ASPH: variants seen among roughly 807,000 people sequenced by gnomAD.
ASPH encodes aspartate beta-hydroxylase, also known as aspartyl/asparaginyl beta-hydroxylase.
ASPH carries 100 observed loss-of-function variants against 118.4 expected under a neutral mutation model. That is an observed-to-expected ratio of 0.84 (90% CI 0.72 to 1.00). ASPH has a LOEUF of 1.00. ASPH is among the 50% of genes least tolerant of loss of function. ASPH has a pLI of 0.00. For missense variants in ASPH, 920 were observed against 919.5 expected (o/e 1.00, Z -0.01); for synonymous variants, 315 against 325.6 (o/e 0.97, Z 0.35).
At chr8:61,684,662 A>C (rs540622761) in intron 1 of ASPH, 87 of 153,612 alleles carry the variant, frequency 5.7e-4, no homozygotes, top group Non-Finnish European at 9.9e-4. Flanking sequence ...AGGACAGAAA[A>C]GTGAAACAGC....
chr8:61,684,941 AAAGG>A (rs1254574983), intron 1 of ASPH, among the ~76,000 whole-genome samples: 1 of 152,202 alleles, frequency 6.6e-6, no homozygotes, highest in Admixed American at 6.5e-5. Flanking sequence ...TTTCCCATAA[AAAGG>A]AATATAATAC....
chr8:61,676,253 T>A (rs1280118064), intron 3 of ASPH: 2 of 1,592,922 alleles, frequency 1.3e-6, no homozygotes, highest in African/African-American at 2.7e-5. Context: ...TGAACTTTCC[T>A]CTGCTAAAAT....
chr8:61,577,637 G>A (rs562601955), intron 15 of ASPH, among the ~76,000 whole-genome samples: 29 of 152,278 alleles, frequency 1.9e-4, no homozygotes, highest in Non-Finnish European at 3.8e-4. Flanking sequence ...GGAAACTTGC[G>A]ATTGTGGCAG....
intron 15 of ASPH, among the ~76,000 whole-genome samples, chr8:61,578,040 T>C (rs191608564): frequency 3.9e-5 from 6 of 152,316 alleles, no homozygotes; most frequent in African/African-American, 1.2e-4. Context: ...GCAAGTCCCA[T>C]CCACTTAGAA....
intron 3 of ASPH, among the ~76,000 whole-genome samples, chr8:61,666,077 G>A (rs1463216836): frequency 6.6e-6 from 1 of 151,988 alleles, no homozygotes; most frequent in African/African-American, 2.4e-5. Flanking sequence ...ACAAATATAT[G>A]TAAATAAAAT....
At chr8:61,537,799 G>A (rs1052620166) in intron 21 of ASPH, among the ~76,000 whole-genome samples, 1 of 152,216 alleles carries the variant, frequency 6.6e-6, no homozygotes, top group South Asian at 2.1e-4. Context: ...TTCCCAAAGA[G>A]GGTCAGAGAG....
intron 13 of ASPH, among the ~76,000 whole-genome samples, chr8:61,626,653 A>C (rs1344025083): frequency 1.3e-5 from 2 of 151,934 alleles, no homozygotes; most frequent in African/African-American, 4.8e-5. Context: ...TCAAGGATCA[A>C]CTGGACACTA....
At chr8:61,644,578 C>G in intron 7 of ASPH, 22 bp downstream of exon 7, 5 of 1,559,182 alleles carry the variant, frequency 3.2e-6, no homozygotes, top group Non-Finnish European at 4.3e-6. Flanking sequence ...TAATTAAGAA[C>G]AGAATTAAAT....
At position 61,515,446 on chromosome 8, in the gene ASPH, C is replaced by T. The variant is rs994077926; in HGVS notation, c.2126+2082G>A. On this transcript the variant is annotated intron_variant, in intron 24 of 24. Transcript: ENST00000379454. The stretch of plus-strand genomic sequence containing the variant: ...GATTTTGCCTTTCTTGCCCCATTTC[C>T]TTCTTGGTTCTCCTTCCTCCTTCCG... 1.3e-5 allele frequency among the ~76,000 whole-genome samples: 2 copies of T among 152,174 alleles called. 1 individual carries two copies. Among genetic ancestry groups the T allele is most frequent in the South Asian group, 4.1e-4 (2 of 4,836 alleles).
intron 7 of ASPH, among the ~76,000 whole-genome samples, chr8:61,644,240 G>A (rs1806723719): frequency 1.3e-5 from 2 of 152,254 alleles, no homozygotes; most frequent in Non-Finnish European, 2.9e-5. Flanking sequence ...ACAGTAAAGT[G>A]CTGACAGATG....
chr8:61,561,909 A>G (rs1459458634), intron 18 of ASPH, among the ~76,000 whole-genome samples: 1 of 152,234 alleles, frequency 6.6e-6, no homozygotes, highest in East Asian at 1.9e-4. Flanking sequence ...TCTGGGCAAC[A>G]GAGTGAGACC....
intron 16 of ASPH, among the ~76,000 whole-genome samples, chr8:61,568,367 T>C (rs1832454625): frequency 6.6e-6 from 1 of 151,986 alleles, no homozygotes; most frequent in East Asian, 1.9e-4. Flanking sequence ...TGTCTAAATG[T>C]AGGGTGTGAG....
chr8:61,615,632 G>A (rs529504771), intron 14 of ASPH, among the ~76,000 whole-genome samples: 62 of 152,234 alleles, frequency 4.1e-4, no homozygotes, highest in Admixed American at 8.5e-4. Context: ...TTTTGTATTG[G>A]ATTATTTTGT....
intron 3 of ASPH, among the ~76,000 whole-genome samples, chr8:61,667,366 T>A (rs1820195735): frequency 6.7e-6 from 1 of 150,340 alleles, no homozygotes; most frequent in Admixed American, 6.6e-5. Flanking sequence ...TAATAACTTA[T>A]TTATTATTAT....
In ASPH at chr8:61,680,907, C is replaced by T. The variant is rs1046247252; in HGVS notation, c.322+61G>A. 2.8e-6 allele frequency: 4 copies of T among 1,420,604 alleles called. No homozygotes were observed. The African/African-American group carries it at 4.3e-5, about 15-fold the overall frequency. The allele number at this position is 1,420,604 out of a possible 1,614,324, so 88.0% of individuals were successfully genotyped here. ...ACTATTGAGATAGATATTATTAAAG[C>T]AAAAATAATTGTTTCCAGCATTTTA... On this transcript the variant is annotated intron_variant, in intron 3 of 24. Transcript: ENST00000379454.
At chr8:61,519,167 G>T (rs1214618388) in intron 22 of ASPH, among the ~76,000 whole-genome samples, 1 of 152,058 alleles carries the variant, frequency 6.6e-6, no homozygotes, top group Non-Finnish European at 1.5e-5. Context: ...ACTATGAATG[G>T]TGCTATGTAT....
In ASPH at chr8:61,548,171, T is replaced by C. The variant is rs760384831; in HGVS notation, c.1664A>G (p.His555Arg). The change falls in exon 21 of 25, where the codon CAC becomes CGC. Residue 555 changes from histidine (H) to arginine (R), a missense_variant. Coordinates refer to ENST00000379454, the MANE Select transcript of ASPH (RefSeq NM_004318.4). The stretch of plus-strand genomic sequence containing the variant: ...TGAGCGTTGCCAGACAGATGCAAAG[T>C]GTCCTCTCTTGTGCCCAAGCTCATA... ...KWYELGHKRG[H>R]FASVWQRSLY... The C allele has an allele frequency of 1.2e-6, 2 of 1,613,958 alleles. No individual in the cohort carries two copies. The highest frequency in any genetic ancestry group is 2.2e-5 in the South Asian group (2 of 91,072).
intron 14 of ASPH, among the ~76,000 whole-genome samples, chr8:61,594,986 A>G (rs975609393): frequency 6.6e-6 from 1 of 152,232 alleles, no homozygotes; most frequent in Admixed American, 6.5e-5. Flanking sequence ...CAGAACTGAT[A>G]TTGACTGGTT....
intron 16 of ASPH, 105 bp from the exon 17 acceptor site, chr8:61,567,423 T>C (rs577305763): frequency 9.4e-6 from 12 of 1,271,294 alleles, no homozygotes; most frequent in South Asian, 5.0e-5. Context: ...TTAAAAGAAA[T>C]GTAAGACACG....
Sources: gnomAD v4.1 joint callset for allele counts (sites outside exome capture counted in the v4.1 genomes callset) on GRCh38, gnomAD v4.1.1 for gene constraint, MANE v1.5 for transcripts, NCBI Gene and HGNC (gene_info 2026-07-23, HGNC 2026-07-21) for gene names.